The following LAMA2 variants were observed in gnomAD, a reference collection of about 807,000 sequenced individuals.
The protein encoded by LAMA2 is laminin subunit alpha 2.
LAMA2 carries 269 observed loss-of-function variants against 364.8 expected under a neutral mutation model. That is an observed-to-expected ratio of 0.74 (90% CI 0.67 to 0.82). LAMA2 has a LOEUF of 0.82. Among genes scored for constraint, LAMA2 ranks in the 40% least tolerant of loss-of-function variants. The pLI is 0.00. For missense variants in LAMA2, 3,807 were observed against 3,873.2 expected, an observed-to-expected ratio of 0.98 and a Z score of 0.45; for synonymous variants, 1,379 against 1,370.6, an observed-to-expected ratio of 1.01 and a Z score of -0.14.
intron 1 of LAMA2, among the ~76,000 whole-genome samples, chr6:129,028,087 C>T (rs776459187): frequency 7.3e-5 from 11 of 151,224 alleles, no homozygotes; most frequent in East Asian, 3.9e-4. Context: ...GTACAGGTGG[C>T]GAAAAATGTG....
intron 3 of LAMA2, among the ~76,000 whole-genome samples, chr6:129,066,062 T>C (rs1189261794): frequency 8.2e-6 from 1 of 122,494 alleles, no homozygotes; most frequent in Non-Finnish European, 1.8e-5. Flanking sequence ...TTTTTTTTTT[T>C]TGAGACGCAG....
chr6:129,355,620 G>T (rs982452083), intron 32 of LAMA2, among the ~76,000 whole-genome samples: 3 of 152,134 alleles, frequency 2.0e-5, no homozygotes, highest in Admixed American at 2.0e-4. Flanking sequence ...AGTAAGGGAG[G>T]TAGCTTGGCT....
chr6:129,096,984 A>G (rs941149039), intron 3 of LAMA2, among the ~76,000 whole-genome samples: 2 of 152,202 alleles, frequency 1.3e-5, no homozygotes, highest in East Asian at 1.9e-4. Flanking sequence ...TGTCAAAACT[A>G]TGAAGCAGAT....
chr6:129,161,034 T>G (rs1035387917), intron 8 of LAMA2, among the ~76,000 whole-genome samples: 2 of 152,052 alleles, frequency 1.3e-5, no homozygotes, highest in Non-Finnish European at 2.9e-5. Context: ...TTTCAGTATT[T>G]CTTCCTGTTC....
chr6:129,133,892 A>G (rs777005360), intron 4 of LAMA2, among the ~76,000 whole-genome samples: 3 of 152,146 alleles, frequency 2.0e-5, no homozygotes, highest in Non-Finnish European at 2.9e-5. Context: ...ACGCGCACAC[A>G]CAATTCAACT....
At chr6:129,202,358 G>A (rs1408993431) in intron 12 of LAMA2, among the ~76,000 whole-genome samples, 3 of 152,038 alleles carry the variant, frequency 2.0e-5, no homozygotes, top group African/African-American at 7.2e-5. Context: ...GTATTTAGAG[G>A]TGGGGCTTTT....
In LAMA2 at chr6:129,464,327, G is replaced by T. The variant is rs778271978; in HGVS notation, c.7030G>T (p.Asp2344Tyr). 2 of 1,612,070 alleles carry T rather than the reference G, an allele frequency of 1.2e-6. No homozygotes were observed. The highest frequency in any genetic ancestry group is 1.3e-5 in the African/African-American group (1 of 74,768). Residue 2344 changes from aspartate (D) to tyrosine (Y), a missense_variant, in exon 50 of 65, where the codon GAT (aspartate) becomes TAT (tyrosine). Physicochemically the swap from Asp to Tyr is radical, Grantham distance 160. Coordinates refer to ENST00000421865, the MANE Select transcript of LAMA2 (RefSeq NM_000426.4). The stretch of plus-strand genomic sequence containing the variant: ...AGATAGTGAGGGGACTATTCAATTT[G>T]ATGGAGAAGGTTATGCATTGGTCAG... ...VEDSEGTIQFDGEGYALVSRP... is the reference protein window; with the variant it reads ...VEDSEGTIQFYGEGYALVSRP...
intron 51 of LAMA2, among the ~76,000 whole-genome samples, chr6:129,468,318 T>C (rs1783645607): frequency 6.6e-6 from 1 of 151,850 alleles, no homozygotes; most frequent in African/African-American, 2.4e-5. Context: ...CCATTCTCTA[T>C]TATCTCTGGT....
intron 12 of LAMA2, among the ~76,000 whole-genome samples, chr6:129,227,713 C>T (rs1371863352): frequency 6.6e-6 from 1 of 152,148 alleles, no homozygotes; most frequent in Non-Finnish European, 1.5e-5. Flanking sequence ...GGGTACTCGG[C>T]CGTGTGGGAT....
chr6:129,144,157 T>A lies in LAMA2; in HGVS notation c.819+77T>A, dbSNP rs1360354604. 6.8e-6 allele frequency: 8 copies of A among 1,168,630 alleles called. No homozygotes were observed. The East Asian group carries it at 1.9e-4, about 28-fold the overall frequency. The allele number at this position is 1,168,630 out of a possible 1,614,324, so 72.4% of individuals were successfully genotyped here. ...TTTTGTCTGTTAAATACTTTAAAAA[T>A]GTTTTCAGTGATTTGTAGGAGTGGT... On this transcript the variant is annotated intron_variant, in intron 5 of 64. Coordinates refer to ENST00000421865, the MANE Select transcript of LAMA2 (RefSeq NM_000426.4).
chr6:129,265,964 A>C (rs1787482793), intron 15 of LAMA2, among the ~76,000 whole-genome samples: 1 of 152,030 alleles, frequency 6.6e-6, no homozygotes, highest in Non-Finnish European at 1.5e-5. Context: ...TCAGTACATA[A>C]ATTTTTTTAT....
Position 129,410,340 on chromosome 6 carries a change from AATG to A in LAMA2, c.5865+6383_5865+6385del, listed in dbSNP as rs1253166161. 5.9e-5 allele frequency among the ~76,000 whole-genome samples: 9 copies of A among 151,554 alleles called. No individual in the cohort carries two copies. The East Asian group carries it at 1.6e-3, about 26-fold the overall frequency. On this transcript the variant is annotated intron_variant, in intron 40 of 64. Coordinates refer to ENST00000421865, the MANE Select transcript of LAMA2 (RefSeq NM_000426.4). ...GTATGCTGAATTAAAAAAAAAAAAG[AATG>A]ACATTTTTAATTCCCATGGCAAATG...
At chr6:129,057,959 C>A (rs1788603511) in intron 2 of LAMA2, among the ~76,000 whole-genome samples, 1 of 152,196 alleles carries the variant, frequency 6.6e-6, no homozygotes, top group African/African-American at 2.4e-5. Flanking sequence ...ATGAAATTCT[C>A]AAGACTGACA....
At chr6:129,331,155 C>T (rs191802201) in intron 29 of LAMA2, among the ~76,000 whole-genome samples, 17 of 152,210 alleles carry the variant, frequency 1.1e-4, no homozygotes, top group African/African-American at 4.1e-4. Context: ...GGACTACAGG[C>T]GTAAGCCACT....
At chr6:129,143,736 A>T (rs997553276) in intron 4 of LAMA2, among the ~76,000 whole-genome samples, 165 bp from the exon 5 acceptor site, 4 of 152,036 alleles carry the variant, frequency 2.6e-5, no homozygotes, top group Non-Finnish European at 4.4e-5. Context: ...AGACTATAAC[A>T]TATATCAGTT....
intron 39 of LAMA2, among the ~76,000 whole-genome samples, chr6:129,402,819 AAT>A (rs1486278428): frequency 6.6e-6 from 1 of 152,244 alleles, no homozygotes; most frequent in African/African-American, 2.4e-5. Context: ...CATATATGAA[AAT>A]ACATTCTGTT....
At chr6:129,166,519 T>C (rs1779753308) in intron 9 of LAMA2, among the ~76,000 whole-genome samples, 2 of 152,194 alleles carry the variant, frequency 1.3e-5, no homozygotes, top group African/African-American at 4.8e-5. Flanking sequence ...GCATTACATG[T>C]AGACTAAATT....
At chr6:129,444,408 AAACG>A (rs1782265010) in intron 44 of LAMA2, among the ~76,000 whole-genome samples, 2 of 152,330 alleles carry the variant, frequency 1.3e-5, no homozygotes, top group Admixed American at 1.3e-4. Flanking sequence ...AAAAATGAAC[AAACG>A]GTTTATTAAA....
chr6:129,252,322 G>A (rs1005989123), intron 14 of LAMA2, 27 bp downstream of exon 14: 33 of 1,563,042 alleles, frequency 2.1e-5, no homozygotes, highest in Non-Finnish European at 2.9e-5. Flanking sequence ...CAGCTCCAAC[G>A]TTCACACATT....
Sources: allele counts gnomAD v4.1 joint callset (sites outside exome capture counted in the v4.1 genomes callset), GRCh38; gene constraint gnomAD v4.1.1; transcripts MANE v1.5; gene names NCBI Gene and HGNC (gene_info 2026-07-23, HGNC 2026-07-21).